The following EXOC4 variants were observed in gnomAD, a reference collection of about 807,000 sequenced individuals.
The protein encoded by EXOC4 is exocyst complex component 4.
Under a neutral mutation model 107.2 loss-of-function variants are expected in EXOC4, and 71 were observed. The observed-to-expected ratio is 0.66, with a 90% CI of 0.55 to 0.81. EXOC4 has a LOEUF of 0.81. EXOC4 is among the 30% of genes least tolerant of loss of function. The probability of loss-of-function intolerance (pLI) is 0.00; values close to 1 mark genes in which losing one functional copy is unlikely to be tolerated. For missense variants in EXOC4, 1,108 were observed against 1,189.6 expected (o/e 0.93, Z 1.01); for synonymous variants, 456 against 441.2 (o/e 1.03, Z -0.42).
chr7:133,337,722 C>A (rs866451257), intron 5 of EXOC4, among the ~76,000 whole-genome samples: 27 of 144,748 alleles, frequency 1.9e-4, no homozygotes, highest in African/African-American at 6.1e-4. Context: ...CAGTCTCAAC[C>A]TTCCAGGCTT....
chr7:134,010,733 C>T (rs1443939987), intron 17 of EXOC4, among the ~76,000 whole-genome samples: 3 of 152,142 alleles, frequency 2.0e-5, no homozygotes, highest in South Asian at 2.1e-4. Context: ...CACTAGTTGC[C>T]GTGTGTCAGA....
intron 14 of EXOC4, among the ~76,000 whole-genome samples, chr7:133,994,727 A>T (rs1794346206): frequency 6.6e-6 from 1 of 150,410 alleles, no homozygotes; most frequent in Non-Finnish European, 1.5e-5. Context: ...ATATACAACA[A>T]TGTAGCCTTT....
chr7:133,906,708 C>T (rs919940627), intron 12 of EXOC4, among the ~76,000 whole-genome samples: 1 of 152,194 alleles, frequency 6.6e-6, no homozygotes, highest in Non-Finnish European at 1.5e-5. Flanking sequence ...TGTTTGCTGC[C>T]ATCGCAGACC....
At chr7:133,699,299 C>A (rs189319004) in intron 10 of EXOC4, among the ~76,000 whole-genome samples, 1 of 152,100 alleles carries the variant, frequency 6.6e-6, no homozygotes, top group African/African-American at 2.4e-5. Context: ...TTTTTTCCCC[C>A]AGTCTGTACC....
intron 10 of EXOC4, among the ~76,000 whole-genome samples, chr7:133,697,892 T>C (rs1418585050): frequency 6.6e-6 from 1 of 152,162 alleles, no homozygotes; most frequent in Non-Finnish European, 1.5e-5. Flanking sequence ...CTTGCTCTAA[T>C]TGGATTCTAC....
At chr7:133,702,754 G>C (rs903023470) in intron 10 of EXOC4, among the ~76,000 whole-genome samples, 1 of 152,058 alleles carries the variant, frequency 6.6e-6, no homozygotes, top group African/African-American at 2.4e-5. Flanking sequence ...GTCATCCGTG[G>C]CTCCATAACA....
chr7:133,724,597 TATC>T (rs1462632311), intron 10 of EXOC4, among the ~76,000 whole-genome samples: 7 of 152,212 alleles, frequency 4.6e-5, no homozygotes, highest in Admixed American at 3.9e-4. Flanking sequence ...ATATTAATAA[TATC>T]ATATCTATTA....
chr7:133,714,667 G>A (rs1019835064), intron 10 of EXOC4, among the ~76,000 whole-genome samples: 1 of 152,136 alleles, frequency 6.6e-6, no homozygotes, highest in Non-Finnish European at 1.5e-5. Context: ...TGTTTACATT[G>A]TATTAGGTAT....
At chr7:133,611,127 A>G (rs1260114839) in intron 9 of EXOC4, among the ~76,000 whole-genome samples, 2 of 151,954 alleles carry the variant, frequency 1.3e-5, no homozygotes, top group Non-Finnish European at 2.9e-5. Flanking sequence ...TAATGAGAGA[A>G]TTGTGAGAGA....
At chr7:133,792,104 G>A (rs1796714912) in intron 10 of EXOC4, among the ~76,000 whole-genome samples, 1 of 152,064 alleles carries the variant, frequency 6.6e-6, no homozygotes, top group Admixed American at 6.6e-5. Flanking sequence ...TTTACTCGTG[G>A]CATCGGGCAG....
chr7:133,995,916 G>A (rs1026184888), intron 14 of EXOC4, among the ~76,000 whole-genome samples: 12 of 152,140 alleles, frequency 7.9e-5, no homozygotes, highest in Admixed American at 2.0e-4. Flanking sequence ...CCTATAAGGT[G>A]AATGACCTTC....
intron 9 of EXOC4, 56 bp from the exon 10 acceptor site, chr7:133,629,989 G>T: frequency 7.6e-7 from 1 of 1,316,878 alleles, no homozygotes; most frequent in Non-Finnish European, 1.1e-6. Flanking sequence ...TGCTTGGTTT[G>T]TTTATTTATA....
At position 133,318,260 on chromosome 7, in the gene EXOC4, C is replaced by T. The variant is rs577901759; in HGVS notation, c.763+870C>T. ...CAATATCCTATTGAATAAGACAAAG[C>T]CATTTTGGGGTTATGTTTAAGGTTG... On this transcript the variant is annotated intron_variant, in intron 5 of 17. Transcript: ENST00000253861. Among the ~76,000 whole-genome samples the T allele has an allele frequency of 2.7e-4, 41 of 152,268 alleles. 2 individuals are homozygous for T. In the South Asian group the frequency reaches 5.6e-3, roughly 21 times the overall value.
intron 10 of EXOC4, among the ~76,000 whole-genome samples, chr7:133,800,656 A>C (rs1796919708): frequency 6.6e-6 from 1 of 152,186 alleles, no homozygotes; most frequent in African/African-American, 2.4e-5. Context: ...TAGGAACAAT[A>C]GTCAAAAAGA....
At chr7:133,603,632 A>G (rs1801862562) in intron 9 of EXOC4, among the ~76,000 whole-genome samples, 1 of 152,214 alleles carries the variant, frequency 6.6e-6, no homozygotes, top group South Asian at 2.1e-4. Flanking sequence ...ATCTAAACAT[A>G]TGTAAACATA....
chr7:134,043,400 T>C (rs1484157616), intron 17 of EXOC4, among the ~76,000 whole-genome samples: 2 of 152,212 alleles, frequency 1.3e-5, no homozygotes, highest in Non-Finnish European at 2.9e-5. Flanking sequence ...CTCAAATGGT[T>C]TGTAAACATT....
At chr7:133,324,418 T>C (rs1795187023) in intron 5 of EXOC4, among the ~76,000 whole-genome samples, 1 of 152,238 alleles carries the variant, frequency 6.6e-6, no homozygotes, top group South Asian at 2.1e-4. Flanking sequence ...GTGTCTTTGT[T>C]CTCATTGGTT....
intron 17 of EXOC4, among the ~76,000 whole-genome samples, chr7:134,020,304 C>T (rs1394532958): frequency 6.6e-6 from 1 of 152,122 alleles, no homozygotes; most frequent in Non-Finnish European, 1.5e-5. Context: ...TGGGCATCTG[C>T]GGCTTAACAA....
chr7:134,081,035 G>C, the EXOC4 span, among the ~76,000 whole-genome samples: 1 of 151,830 alleles, frequency 6.6e-6, no homozygotes, highest in Admixed American at 6.6e-5. Context: ...TTCCTTTCTT[G>C]ACCACCTATT....
Sources: allele counts gnomAD v4.1 joint callset (sites outside exome capture counted in the v4.1 genomes callset), GRCh38; gene constraint gnomAD v4.1.1; transcripts MANE v1.5; gene names NCBI Gene and HGNC (gene_info 2026-07-23, HGNC 2026-07-21).